Variants in FSTL5 observed in about 807,000 individuals in gnomAD.
FSTL5 encodes follistatin like 5, also known as follistatin-related protein 5.
Under a neutral mutation model 89.1 loss-of-function variants are expected in FSTL5, and 62 were observed. The observed-to-expected ratio is 0.70, with a 90% CI of 0.57 to 0.86. FSTL5 has a LOEUF of 0.86. FSTL5 is among the 40% of genes least tolerant of loss of function. The pLI is 0.00. For synonymous variants in FSTL5, 383 were observed against 346.2 expected, an observed-to-expected ratio of 1.11 and a Z score of -1.18; for missense variants, 1,057 against 1,001.6, an observed-to-expected ratio of 1.06 and a Z score of -0.75.
chr4:162,052,332 G>A (rs1020815818), intron 2 of FSTL5, among the ~76,000 whole-genome samples: 48 of 151,570 alleles, frequency 3.2e-4, no homozygotes, highest in African/African-American at 1.1e-3. Context: ...GGCTACCTTT[G>A]ATGGCCGCAC....
chr4:161,428,905 C>A (rs1352697852), intron 15 of FSTL5, among the ~76,000 whole-genome samples: 1 of 151,974 alleles, frequency 6.6e-6, no homozygotes, highest in Non-Finnish European at 1.5e-5. Context: ...CACAGTGGAG[C>A]AGAGTACCAA....
At chr4:161,902,362 G>A (rs1424106418) in intron 4 of FSTL5, among the ~76,000 whole-genome samples, 2 of 152,098 alleles carry the variant, frequency 1.3e-5, no homozygotes, top group Non-Finnish European at 2.9e-5. Flanking sequence ...TAGTAGTAAG[G>A]AGAGGTGTTT....
intron 1 of FSTL5, among the ~76,000 whole-genome samples, chr4:162,127,039 T>A (rs990398969): frequency 6.6e-6 from 1 of 152,166 alleles, no homozygotes; most frequent in African/African-American, 2.4e-5. Context: ...CAGCTTTATT[T>A]AAGCCGCACC....
At chr4:162,050,987 A>T (rs1738360738) in intron 2 of FSTL5, among the ~76,000 whole-genome samples, 1 of 151,658 alleles carries the variant, frequency 6.6e-6, no homozygotes, top group Non-Finnish European at 1.5e-5. Context: ...AATAATTGTA[A>T]ATGTTTTAAA....
At chr4:161,674,940 A>G (rs1737251549) in intron 6 of FSTL5, among the ~76,000 whole-genome samples, 1 of 152,154 alleles carries the variant, frequency 6.6e-6, no homozygotes, top group Non-Finnish European at 1.5e-5. Flanking sequence ...CCTCTCTTCC[A>G]CATAGAGGTC....
At chr4:162,076,940 A>G (rs141780489) in intron 2 of FSTL5, among the ~76,000 whole-genome samples, 41 of 151,958 alleles carry the variant, frequency 2.7e-4, no homozygotes, top group African/African-American at 9.6e-4. Flanking sequence ...TTAGGGAAAC[A>G]TGAGTTTCTG....
At chr4:161,821,244 C>T (rs1226274069) in intron 4 of FSTL5, among the ~76,000 whole-genome samples, 1 of 151,980 alleles carries the variant, frequency 6.6e-6, no homozygotes, top group Non-Finnish European at 1.5e-5. Context: ...CACCATGTGA[C>T]CCAGACTGGT....
intron 15 of FSTL5, among the ~76,000 whole-genome samples, chr4:161,419,757 C>A (rs1322444679): frequency 2.0e-5 from 3 of 152,188 alleles, no homozygotes; most frequent in African/African-American, 7.2e-5. Flanking sequence ...GTTCAGGAAT[C>A]AAAGGGTGGA....
At chr4:161,413,038 C>T (rs992914362) in intron 15 of FSTL5, among the ~76,000 whole-genome samples, 2 of 151,790 alleles carry the variant, frequency 1.3e-5, no homozygotes, top group Non-Finnish European at 2.9e-5. Flanking sequence ...AAGGCAATTG[C>T]GATAAAAACA....
At chr4:161,925,177 A>T (rs1432763114) in intron 3 of FSTL5, among the ~76,000 whole-genome samples, 1 of 151,882 alleles carries the variant, frequency 6.6e-6, no homozygotes, top group Non-Finnish European at 1.5e-5. Context: ...ATGTATGGTG[A>T]GTATATTTAG....
chr4:161,561,802 T>C (rs933965945), intron 8 of FSTL5, among the ~76,000 whole-genome samples: 1 of 152,044 alleles, frequency 6.6e-6, no homozygotes, highest in African/African-American at 2.4e-5. Flanking sequence ...GTGGGTCATA[T>C]TTAATTTTGT....
At chr4:161,566,087 C>CT (rs60409652) in intron 8 of FSTL5, among the ~76,000 whole-genome samples, 48,416 of 96,912 alleles carry the variant, frequency 0.5, 10,688 homozygotes, top group Middle Eastern at 0.55. Flanking sequence ...TTGTTTTTTT[C>CT]TTTTTTTTTG....
intron 3 of FSTL5, among the ~76,000 whole-genome samples, chr4:161,992,759 G>C (rs562223142): frequency 2.0e-5 from 3 of 147,982 alleles, no homozygotes; most frequent in Non-Finnish European, 4.5e-5. Context: ...CATGAGAATC[G>C]CTTGAACCCG....
intron 4 of FSTL5, among the ~76,000 whole-genome samples, chr4:161,850,625 G>T (rs1462651501): frequency 6.6e-6 from 1 of 152,104 alleles, no homozygotes; most frequent in Non-Finnish European, 1.5e-5. Context: ...ATAACAAAAA[G>T]GAATTGTTGT....
intron 1 of FSTL5, among the ~76,000 whole-genome samples, chr4:162,142,101 C>A (rs1015357879): frequency 5.3e-5 from 8 of 152,030 alleles, no homozygotes; most frequent in Non-Finnish European, 8.8e-5. Flanking sequence ...GCAACCCCCA[C>A]AATAAATAAT....
chr4:161,552,695 CACTT>C (rs1029189440), intron 8 of FSTL5: 10 of 151,632 alleles, frequency 6.6e-5, no homozygotes, highest in African/African-American at 2.4e-4. Context: ...ACATGTGTCT[CACTT>C]AGTTTATTGG....
intron 4 of FSTL5, among the ~76,000 whole-genome samples, chr4:161,786,232 A>T (rs535616136): frequency 8.3e-4 from 126 of 152,228 alleles, no homozygotes; most frequent in African/African-American, 3.0e-3. Flanking sequence ...ATTTTATGTT[A>T]GATGCTTTTA....
chr4:161,864,870 CAAAA>C (rs10636039), intron 4 of FSTL5, among the ~76,000 whole-genome samples: 3 of 92,384 alleles, frequency 3.2e-5, no homozygotes, highest in South Asian at 4.1e-4. Context: ...GACTTCGTCT[CAAAA>C]AAAAAAAAAA....
chr4:161,525,769 A>G (rs545001310), intron 10 of FSTL5, among the ~76,000 whole-genome samples: 1 of 152,200 alleles, frequency 6.6e-6, no homozygotes, highest in Non-Finnish European at 1.5e-5. Context: ...CTGGTAATGT[A>G]TGACAATTCC....
Sources: allele counts gnomAD v4.1 joint callset (sites outside exome capture counted in the v4.1 genomes callset), GRCh38; gene constraint gnomAD v4.1.1; transcripts MANE v1.5; gene names NCBI Gene and HGNC (gene_info 2026-07-23, HGNC 2026-07-21).